ZNF407: variants seen among roughly 807,000 people sequenced by gnomAD.
ZNF407 encodes zinc finger protein 407.
In ZNF407, 17 loss-of-function variants were observed where a neutral mutation model predicts 131.2. That is an observed-to-expected ratio of 0.13 (90% CI 0.09 to 0.19). The LOEUF (loss-of-function observed/expected upper bound fraction) is 0.19. Ranked by LOEUF, ZNF407 falls within the 10% of genes least tolerant of loss-of-function variation. The probability of loss-of-function intolerance (pLI) is 1.00; values close to 1 mark genes in which losing one functional copy is unlikely to be tolerated. For synonymous variants in ZNF407, 1,156 were observed against 1,062.0 expected, an observed-to-expected ratio of 1.09 and a Z score of -1.72; for missense variants, 2,681 against 2,830.6, an observed-to-expected ratio of 0.95 and a Z score of 1.20.
At chr18:75,060,199 TCTGTC>T (rs1973609380) in intron 8 of ZNF407, 1 of 152,258 alleles carries the variant, frequency 6.6e-6, no homozygotes, top group South Asian at 2.1e-4. Context: ...CCAGTTGTTC[TCTGTC>T]CTTGGTCGGG....
At chr18:75,056,693 G>A (rs188674283) in intron 8 of ZNF407, among the ~76,000 whole-genome samples, 3 of 152,332 alleles carry the variant, frequency 2.0e-5, no homozygotes, top group South Asian at 2.1e-4. Context: ...AATTATTATT[G>A]TCTATAAGAT....
chr18:74,862,635 A>G (rs748149559), intron 4 of ZNF407, among the ~76,000 whole-genome samples: 1 of 152,202 alleles, frequency 6.6e-6, no homozygotes, highest in East Asian at 1.9e-4. Context: ...TAATTTGTCA[A>G]ATTTTAATTG....
In ZNF407 at chr18:74,941,014, C is replaced by T. The variant is rs1036758544; in HGVS notation, c.5428+20322C>T. Among the ~76,000 whole-genome samples the T allele has an allele frequency of 2.6e-5, 4 of 152,218 alleles. No homozygotes were observed. In the South Asian group the frequency reaches 8.3e-4, roughly 32 times the overall value. ...ATCCCCTTTGTTAGCTCGGGGTGAC[C>T]TAACAAAGATGTGGAAGGGTGGGGT... On this transcript the variant is annotated intron_variant, in intron 8 of 8. Coordinates refer to ENST00000299687, the MANE Select transcript of ZNF407 (RefSeq NM_017757.3).
intron 8 of ZNF407, among the ~76,000 whole-genome samples, chr18:74,933,500 C>T (rs1021178110): frequency 1.3e-5 from 2 of 152,100 alleles, no homozygotes; most frequent in African/African-American, 4.8e-5. Flanking sequence ...TGTGATGGTA[C>T]TTAATTAACA....
rs577370429 is a variant in ZNF407 at position 74,868,004 on chromosome 18, T to C, written c.4878-9193T>C. 9.8e-4 allele frequency among the ~76,000 whole-genome samples: 149 copies of C among 152,382 alleles called. 2 individuals carry two copies. Among genetic ancestry groups the C allele is most frequent in the African/African-American group, 3.3e-3 (139 of 41,592 alleles). ...TTTTTATTTATACTTTTCTTTTTTC[T>C]GTAAGCCTATTTTTGGTTTATGGAT... On this transcript the variant is annotated intron_variant, in intron 4 of 8. Coordinates refer to ENST00000299687, the MANE Select transcript of ZNF407 (RefSeq NM_017757.3).
At chr18:75,022,533 A>G (rs1331423579) in intron 8 of ZNF407, among the ~76,000 whole-genome samples, 1 of 152,190 alleles carries the variant, frequency 6.6e-6, no homozygotes, top group Non-Finnish European at 1.5e-5. Context: ...GAATTTACTC[A>G]TAATATTAGA....
chr18:75,039,438 G>A (rs1973346701), intron 8 of ZNF407, among the ~76,000 whole-genome samples: 1 of 152,206 alleles, frequency 6.6e-6, no homozygotes, highest in African/African-American at 2.4e-5. Context: ...TTACTGATGT[G>A]TGGATGATAA....
At chr18:74,601,484 T>G (rs71359054) in intron 1 of ZNF407, among the ~76,000 whole-genome samples, 2,105 of 152,154 alleles carry the variant, frequency 0.014, 21 homozygotes, top group Non-Finnish European at 0.024. Flanking sequence ...AATGGAGAGA[T>G]AGCCAAGGCT....
At chr18:74,717,731 C>A (rs1409645764) in intron 3 of ZNF407, among the ~76,000 whole-genome samples, 2 of 152,146 alleles carry the variant, frequency 1.3e-5, no homozygotes, top group Non-Finnish European at 2.9e-5. Flanking sequence ...TGCTTTGGAC[C>A]AGATGTGTTT....
intron 8 of ZNF407, among the ~76,000 whole-genome samples, chr18:74,997,045 GA>G (rs1972787574): frequency 2.0e-5 from 3 of 152,198 alleles, no homozygotes; most frequent in Admixed American, 6.5e-5. Context: ...TAAAATTAAA[GA>G]AAAAAATCAA....
intron 3 of ZNF407, among the ~76,000 whole-genome samples, chr18:74,676,590 C>T (rs1399471904): frequency 1.3e-5 from 2 of 149,034 alleles, no homozygotes; most frequent in African/African-American, 4.9e-5. Context: ...GCGCCCACCA[C>T]CGTGCCCGGG....
chr18:74,605,184 G>C (rs1343487388), intron 1 of ZNF407, among the ~76,000 whole-genome samples: 1 of 151,980 alleles, frequency 6.6e-6, no homozygotes, highest in Non-Finnish European at 1.5e-5. Flanking sequence ...AGACATTCCG[G>C]CGGTGACTTC....
chr18:74,622,521 GAGAA>G (rs574859829), intron 1 of ZNF407, among the ~76,000 whole-genome samples: 223 of 152,246 alleles, frequency 1.5e-3, no homozygotes, highest in African/African-American at 5.0e-3. Flanking sequence ...ACTCCCCAAA[GAGAA>G]AGAACAAAAG....
chr18:74,685,548 A>G (rs1967077791), intron 3 of ZNF407, among the ~76,000 whole-genome samples: 1 of 152,154 alleles, frequency 6.6e-6, no homozygotes, highest in African/African-American at 2.4e-5. Flanking sequence ...TGAAAAGCCA[A>G]AGACCTTCCA....
rs117673039 is a variant in ZNF407, at chr18:75,046,510, G to A, written c.5429-16640G>A. Among the ~76,000 whole-genome samples, 186 of 152,270 alleles carry A rather than the reference G, an allele frequency of 1.2e-3. 3 individuals carry two copies. In the East Asian group the frequency reaches 0.034, roughly 28 times the overall value. ...CCTTATATTGTGAAGTTCTTGGGGA[G>A]ATTTTTAATAGTCCTCATACTGAAA... On this transcript the variant is annotated intron_variant, in intron 8 of 8. Transcript: ENST00000299687.
chr18:74,609,644 A>G (rs1599126475), intron 1 of ZNF407, among the ~76,000 whole-genome samples: 1 of 152,246 alleles, frequency 6.6e-6, no homozygotes, highest in East Asian at 1.9e-4. Flanking sequence ...CTTTTGTATA[A>G]CTGGCAGTGT....
At chr18:74,755,156 A>C (rs1460755497) in intron 3 of ZNF407, among the ~76,000 whole-genome samples, 4 of 114,884 alleles carry the variant, frequency 3.5e-5, no homozygotes, top group Non-Finnish European at 7.0e-5. Context: ...GTTTTATCAG[A>C]GACTAGGATT....
chr18:74,716,852 G>A (rs1414532851), intron 3 of ZNF407, among the ~76,000 whole-genome samples: 2 of 152,098 alleles, frequency 1.3e-5, no homozygotes, highest in Non-Finnish European at 2.9e-5. Flanking sequence ...ATTTTAAAAT[G>A]AGCATTACTG....
intron 8 of ZNF407, among the ~76,000 whole-genome samples, chr18:75,023,563 T>C (rs917057758): frequency 2.6e-5 from 4 of 152,234 alleles, no homozygotes; most frequent in Non-Finnish European, 5.9e-5. Flanking sequence ...GGGGGCTAAC[T>C]AATCAAAGCT....
Sources: allele counts gnomAD v4.1 joint callset (sites outside exome capture counted in the v4.1 genomes callset), GRCh38; gene constraint gnomAD v4.1.1; transcripts MANE v1.5; gene names NCBI Gene and HGNC (gene_info 2026-07-23, HGNC 2026-07-21).